The following MCHR2 variants were observed in gnomAD, a reference collection of about 807,000 sequenced individuals.
MCHR2 encodes the protein melanin concentrating hormone receptor 2.
MCHR2 carries 15 observed loss-of-function variants against 24.8 expected under a neutral mutation model. That is an observed-to-expected ratio of 0.60 (90% CI 0.40 to 0.93). The LOEUF (loss-of-function observed/expected upper bound fraction) is 0.93. Ranked by LOEUF, MCHR2 falls within the 40% of genes least tolerant of loss-of-function variation. The pLI, the probability that MCHR2 is intolerant of heterozygous loss-of-function variation, is 0.00. For synonymous variants in MCHR2, 151 were observed against 147.6 expected, an observed-to-expected ratio of 1.02 and a Z score of -0.17; for missense variants, 386 against 408.7, an observed-to-expected ratio of 0.94 and a Z score of 0.48.
intron 1 of MCHR2, among the ~76,000 whole-genome samples, chr6:99,988,584 C>T (rs1482117091): frequency 6.6e-6 from 1 of 152,126 alleles, no homozygotes; most frequent in Non-Finnish European, 1.5e-5. Context: ...AATTCATCCC[C>T]CCACCCACAG....
chr6:99,980,020 T>A (rs1775633676), intron 1 of MCHR2, among the ~76,000 whole-genome samples: 1 of 152,216 alleles, frequency 6.6e-6, no homozygotes, highest in South Asian at 2.1e-4. Flanking sequence ...TTTGCTAGCA[T>A]TAAAGTACTG....
At chr6:99,930,718 G>A (rs1453531455) in intron 5 of MCHR2, among the ~76,000 whole-genome samples, 2 of 152,020 alleles carry the variant, frequency 1.3e-5, no homozygotes, top group African/African-American at 4.8e-5. Context: ...CTCTGTATTG[G>A]TTATTCTAGT....
At chr6:99,936,510 TG>T (rs1396348481) in intron 4 of MCHR2, among the ~76,000 whole-genome samples, 1 of 151,880 alleles carries the variant, frequency 6.6e-6, no homozygotes, top group African/African-American at 2.4e-5. Flanking sequence ...TATAAATGTG[TG>T]GATTTATATC....
chr6:99,931,801 A>G (rs1774549446), intron 5 of MCHR2, among the ~76,000 whole-genome samples: 1 of 152,176 alleles, frequency 6.6e-6, no homozygotes, highest in African/African-American at 2.4e-5. Context: ...AAGTGAGGCA[A>G]TGCCTTGCCC....
intron 1 of MCHR2, among the ~76,000 whole-genome samples, chr6:99,971,397 TG>T (rs1297671155): frequency 6.6e-6 from 1 of 152,064 alleles, no homozygotes; most frequent in Non-Finnish European, 1.5e-5. Context: ...TTGTGATTTT[TG>T]TACATTGATT....
intron 1 of MCHR2, among the ~76,000 whole-genome samples, chr6:99,973,428 C>T (rs1246242087): frequency 6.6e-6 from 1 of 152,138 alleles, no homozygotes; most frequent in African/African-American, 2.4e-5. Context: ...AGATCTTCCT[C>T]CATCCCTTCA....
intron 4 of MCHR2, among the ~76,000 whole-genome samples, chr6:99,935,694 T>C (rs375851807): frequency 6.6e-6 from 1 of 152,080 alleles, no homozygotes; most frequent in Non-Finnish European, 1.5e-5. Context: ...CTCTTTGGTA[T>C]ATTAATATCG....
chr6:99,956,203 A>G, intron 1 of MCHR2, 29 bp from the exon 2 acceptor site: 1 of 1,420,598 alleles, frequency 7.0e-7, no homozygotes, highest in East Asian at 2.4e-5. Flanking sequence ...TGATTTATTT[A>G]GTGAACATTC....
At chr6:99,950,025 G>A (rs1035372367) in intron 2 of MCHR2, among the ~76,000 whole-genome samples, 5 of 151,996 alleles carry the variant, frequency 3.3e-5, no homozygotes, top group African/African-American at 1.2e-4. Flanking sequence ...GCAGCAATTA[G>A]ATCCATGGCC....
chr6:99,972,746 A>T lies in MCHR2; in HGVS notation c.-27-16572T>A, dbSNP rs181048189. Among the ~76,000 whole-genome samples the T allele has an allele frequency of 2.2e-3, 338 of 152,030 alleles. 2 individuals are homozygous for T. Among genetic ancestry groups the T allele is most frequent in the Non-Finnish European group, 3.1e-3 (211 of 67,988 alleles). On this transcript the variant is annotated intron_variant, in intron 1 of 5. Transcript: ENST00000281806. ...ATACTGCTTTGAATGTGTCCCAGAGATTCTGGTATGTTGTGTCTTTGTTCT... is the reference window on the plus strand; with the variant it reads ...ATACTGCTTTGAATGTGTCCCAGAGTTTCTGGTATGTTGTGTCTTTGTTCT...
chr6:99,969,950 C>A (rs1413379430), intron 1 of MCHR2, among the ~76,000 whole-genome samples: 2 of 130,500 alleles, frequency 1.5e-5, no homozygotes, highest in Admixed American at 1.6e-4. Context: ...TTTTCTTAAT[C>A]CAGTCTATCA....
intron 1 of MCHR2, among the ~76,000 whole-genome samples, chr6:99,982,679 T>C (rs1460940634): frequency 6.6e-6 from 1 of 151,988 alleles, no homozygotes; most frequent in Non-Finnish European, 1.5e-5. Context: ...GGTGCTATTA[T>C]GGGTGCCATA....
chr6:99,928,747 G>A (rs1582370116), intron 5 of MCHR2, among the ~76,000 whole-genome samples: 1 of 152,104 alleles, frequency 6.6e-6, no homozygotes, highest in Admixed American at 6.5e-5. Flanking sequence ...TATTAGTCTT[G>A]CTAGCGGTCT....
At chr6:99,989,254 A>G (rs1775822874) in intron 1 of MCHR2, among the ~76,000 whole-genome samples, 1 of 152,182 alleles carries the variant, frequency 6.6e-6, no homozygotes, top group Admixed American at 6.5e-5. Context: ...CCTGTATCAA[A>G]TTCAAAAAAA....
intron 5 of MCHR2, among the ~76,000 whole-genome samples, chr6:99,923,720 T>C (rs528793474): frequency 8.1e-4 from 123 of 152,234 alleles, no homozygotes; most frequent in Middle Eastern, 3.4e-3. Flanking sequence ...ATGTATTACA[T>C]TGATTAATTT....
intron 1 of MCHR2, among the ~76,000 whole-genome samples, chr6:99,973,911 G>A (rs1191730757): frequency 6.6e-6 from 1 of 152,204 alleles, no homozygotes. Context: ...GGCTTGTAGA[G>A]TTTCTGTCGA....
chr6:99,969,291 T>G (rs1311798314), intron 1 of MCHR2, among the ~76,000 whole-genome samples: 3 of 151,802 alleles, frequency 2.0e-5, no homozygotes, highest in Admixed American at 6.6e-5. Context: ...CTGGCCAACA[T>G]GGTGAAACCC....
At chr6:99,962,628 C>T (rs1775214321) in intron 1 of MCHR2, among the ~76,000 whole-genome samples, 1 of 152,006 alleles carries the variant, frequency 6.6e-6, no homozygotes, top group Non-Finnish European at 1.5e-5. Flanking sequence ...AATGTATGAC[C>T]AGAAATGTAA....
At position 99,956,017 on chromosome 6, in the gene MCHR2, A is replaced by G. The variant is rs1775051954; in HGVS notation, c.131T>C (p.Ile44Thr). The G allele has an allele frequency of 1.2e-6, 2 of 1,613,118 alleles. No individual in the cohort carries two copies. The highest frequency in any genetic ancestry group is 3.3e-5 in the Admixed American group (2 of 59,894). Residue 44 changes from isoleucine to threonine, a missense_variant, in exon 2 of 6, where the codon ATC (isoleucine) becomes ACC (threonine). Physicochemically the swap from Ile to Thr is moderately conservative, Grantham distance 89 (BLOSUM62 -1). Transcript: ENST00000281806. The part of the protein sequence containing the change: ...TVILPSMIGI[I>T]CSTGLVGNIL... ...GTTGCCAACCAGCCCTGTTGAACAG[A>G]TAATCCCAATCATGGAAGGGAGGAT...
Sources: allele counts gnomAD v4.1 joint callset (sites outside exome capture counted in the v4.1 genomes callset), GRCh38; gene constraint gnomAD v4.1.1; transcripts MANE v1.5; gene names NCBI Gene and HGNC (gene_info 2026-07-23, HGNC 2026-07-21).